The following MRPL46 variants were observed in gnomAD, a reference collection of about 807,000 sequenced individuals.
The protein encoded by MRPL46 is large ribosomal subunit protein mL46.
A neutral mutation model predicts 31.0 loss-of-function variants in MRPL46; 26 were observed. The observed-to-expected ratio is 0.84, with a 90% CI of 0.61 to 1.16. MRPL46 has a LOEUF of 1.16. Among genes scored for constraint, MRPL46 ranks in the 50% most tolerant of loss-of-function variants. The probability of loss-of-function intolerance (pLI) is 0.00; values close to 1 mark genes in which losing one functional copy is unlikely to be tolerated. For missense variants in MRPL46, 395 were observed against 340.0 expected (o/e 1.16, Z -1.27); for synonymous variants, 159 against 141.3 (o/e 1.13, Z -0.89).
At chr15:88,467,064 CG>C in intron 1 of MRPL46, 85 bp downstream of exon 1, 1 of 1,418,562 alleles carries the variant, frequency 7.0e-7, no homozygotes, top group Non-Finnish European at 9.8e-7. Flanking sequence ...GGATAAGTAC[CG>C]TATACTTAAG....
Position 88,467,274 on chromosome 15 carries a change from G to T in MRPL46, c.104C>A (p.Ala35Glu). ...GGATCCGTTGCTTGAGGGTGCGGCT[G>T]CAAGAGCCAGGCTGCGAGAGCTTAG... The part of the protein sequence containing the change: ...GSLSSRSLAL[A>E]AAPSSNGSPW... Residue 35 changes from alanine to glutamate, a missense_variant, in exon 1 of 4, where the codon GCA (alanine) becomes GAA (glutamate). By Grantham distance (107) the Ala-to-Glu change is moderately radical. Transcript: ENST00000312475. The T allele has an allele frequency of 6.2e-7, 1 of 1,613,744 alleles. No individual in the cohort carries two copies. The highest frequency in any genetic ancestry group is 1.1e-5 in the South Asian group (1 of 91,044).
chr15:88,464,710 T>C lies in MRPL46; in HGVS notation c.582A>G (p.Thr194=), dbSNP rs1449062564. ...LRGTAERTLA[T]LSENNMEAKF... ...GGAAGGCAGAAAACCCACCTGAGAG[T>C]GTGGCCAGGGTTCGTTCAGCTGTTC... Residue 194 remains threonine, a synonymous_variant, in exon 3 of 4, where the codon ACA becomes ACG. Coordinates refer to ENST00000312475, the MANE Select transcript of MRPL46 (RefSeq NM_022163.4). 8 of 1,610,384 alleles carry C rather than the reference T, an allele frequency of 5.0e-6. No homozygotes were observed.
At chr15:88,462,175 C>T (rs2055483471) in intron 3 of MRPL46, 2 of 146,970 alleles carry the variant, frequency 1.4e-5, no homozygotes, top group African/African-American at 2.7e-5. Flanking sequence ...AAAACACTAC[C>T]TAGCATTAGA....
chr15:88,463,670 G>A lies in MRPL46; in HGVS notation c.589+1033C>T. On this transcript the variant is annotated intron_variant, in intron 3 of 3. Coordinates refer to ENST00000312475, the MANE Select transcript of MRPL46 (RefSeq NM_022163.4). This position sits in a 1 kb window ranked among gnomAD's most constrained non-coding sequence, Gnocchi z 5.4. The stretch of plus-strand genomic sequence containing the variant: ...TATAAACTGTCTTAAAAACTGAGCA[G>A]TCAGGCCAGGAAGGAGTAAAGTATT... 6.6e-6 allele frequency: 1 copy of A among 152,218 alleles called. No homozygotes were observed. 9.4% of individuals were successfully genotyped at this position (152,218 alleles called of 1,614,324 possible).
chr15:88,460,016 G>A, intron 3 of MRPL46, 153 bp from the exon 4 acceptor site: 1 of 946,056 alleles, frequency 1.1e-6, no homozygotes, highest in Non-Finnish European at 1.5e-6. Flanking sequence ...CCTGAAAAGA[G>A]GCTCCTCCCC....
intron 1 of MRPL46, among the ~76,000 whole-genome samples, chr15:88,466,886 G>A (rs1362949203): frequency 2.0e-5 from 3 of 152,142 alleles, no homozygotes; most frequent in Non-Finnish European, 4.4e-5. Flanking sequence ...CTAGTGACAC[G>A]GACCGATTCT....
rs771632952 is a variant in MRPL46, at chr15:88,459,797, T to C, written c.656A>G (p.Gln219Arg). 1.1e-5 allele frequency: 17 copies of C among 1,614,220 alleles called. No homozygotes were observed. The East Asian group carries it at 3.8e-4, about 36-fold the overall frequency. The change falls in exon 4 of 4, where the codon CAG (glutamine) becomes CGG (arginine). Residue 219 changes from glutamine to arginine, a missense_variant. Coordinates refer to ENST00000312475, the MANE Select transcript of MRPL46 (RefSeq NM_022163.4). Reference protein sequence around the residue: ...PCGHYTFKFPQAMRTESNLGA... With the variant: ...PCGHYTFKFPRAMRTESNLGA... ...GAGGTTACTCTCTGTCCGCATTGCCTGGGGGAACTTGAATGTGTAGTGCCC... is the reference window on the plus strand; with the variant it reads ...GAGGTTACTCTCTGTCCGCATTGCCCGGGGGAACTTGAATGTGTAGTGCCC...
At chr15:88,462,408 TC>T (rs2055486160) in intron 3 of MRPL46, 1 of 152,192 alleles carries the variant, frequency 6.6e-6, no homozygotes, top group African/African-American at 2.4e-5. Flanking sequence ...GAGCGAACGA[TC>T]TAAATAGGCA....
chr15:88,465,722 C>T lies in MRPL46; in HGVS notation c.280G>A (p.Glu94Lys). 6.2e-7 allele frequency: 1 copy of T among 1,613,742 alleles called. No homozygotes were observed. ...TTCTTCTTTGCCAGTCGCTGGTTTTCATCCAGAGCACGAAGCTCGTGGTCT... is the reference window on the plus strand; with the variant it reads ...TTCTTCTTTGCCAGTCGCTGGTTTTTATCCAGAGCACGAAGCTCGTGGTCT... ...YSDHELRALD[E>K]NQRLAKKKAD... The change falls in exon 2 of 4, where the codon GAA becomes AAA. Residue 94 changes from glutamate (E) to lysine (K), a missense_variant. Physicochemically the swap from Glu to Lys is moderately conservative, Grantham distance 56. Coordinates refer to ENST00000312475, the MANE Select transcript of MRPL46 (RefSeq NM_022163.4).
At position 88,459,713 on chromosome 15, in the gene MRPL46, C is replaced by T. The variant is rs142867191; in HGVS notation, c.740G>A (p.Gly247Glu). 4.0e-5 allele frequency: 65 copies of T among 1,614,046 alleles called. No homozygotes were observed. The African/African-American group carries it at 7.6e-4, about 19-fold the overall frequency. ...GACCCACACATGATGGCCCTTATTC[C>T]CAGCCTGGGAAAAGTCTCCAGTTAA... ...LLLTGDFSQA[G>E]NKGHHVWVTK... Residue 247 changes from glycine to glutamate, a missense_variant, in exon 4 of 4, where the codon GGG (glycine) becomes GAG (glutamate). By Grantham distance (98) the Gly-to-Glu change is moderately conservative (BLOSUM62 -2). Coordinates refer to ENST00000312475, the MANE Select transcript of MRPL46 (RefSeq NM_022163.4).
chr15:88,459,990 T>C, intron 3 of MRPL46, 127 bp from the exon 4 acceptor site: 2 of 1,205,220 alleles, frequency 1.7e-6, no homozygotes, highest in Non-Finnish European at 2.3e-6. Context: ...TCCCTAGGAA[T>C]AGGACTAGAG....
intron 1 of MRPL46, among the ~76,000 whole-genome samples, chr15:88,466,169 A>AT (rs2055529443): frequency 6.6e-6 from 1 of 152,194 alleles, no homozygotes; most frequent in Non-Finnish European, 1.5e-5. Flanking sequence ...TTTTCCTCAC[A>AT]TTCTTTCTTC....
At chr15:88,466,114 C>A (rs1203015343) in intron 1 of MRPL46, among the ~76,000 whole-genome samples, 1 of 152,170 alleles carries the variant, frequency 6.6e-6, no homozygotes, top group Non-Finnish European at 1.5e-5. Flanking sequence ...CAAGGACTTT[C>A]CTGTTCAGGG....
In MRPL46 at chr15:88,459,869, G is replaced by T. The variant is rs1353342901; in HGVS notation, c.590-6C>A. On this transcript the variant is annotated splice_polypyrimidine_tract_variant and splice_region_variant and intron_variant, in intron 3 of 3. Transcript: ENST00000312475. ...CTTGGCTTCCATGTTGTTTTCTGAA[G>T]AGGGAGGAAAGAAAAATCACAATTG... is the stretch of plus-strand genomic sequence containing the variant. 6.2e-7 allele frequency: 1 copy of T among 1,613,704 alleles called. No homozygotes were observed. Among genetic ancestry groups the T allele is most frequent in the Admixed American group, 1.7e-5 (1 of 59,990 alleles).
Position 88,459,792 on chromosome 15 carries a change from T to C in MRPL46, c.661A>G (p.Met221Val), listed in dbSNP as rs373706267. 3.1e-5 allele frequency: 50 copies of C among 1,614,108 alleles called. No homozygotes were observed. The highest frequency in any genetic ancestry group is 6.7e-5 in the East Asian group (3 of 44,890). ...GCTCCGAGGTTACTCTCTGTCCGCATTGCCTGGGGGAACTTGAATGTGTAG... is the reference window on the plus strand; with the variant it reads ...GCTCCGAGGTTACTCTCTGTCCGCACTGCCTGGGGGAACTTGAATGTGTAG... ...GHYTFKFPQA[M>V]RTESNLGAKV... The change falls in exon 4 of 4, where the codon ATG becomes GTG. Residue 221 changes from methionine to valine, a missense_variant. By Grantham distance (21) the Met-to-Val change is conservative. Transcript: ENST00000312475.
chr15:88,466,844 CAA>C (rs1169507387), intron 1 of MRPL46, among the ~76,000 whole-genome samples: 2 of 152,194 alleles, frequency 1.3e-5, no homozygotes, highest in Admixed American at 6.5e-5. Flanking sequence ...CATCACATCA[CAA>C]AGACTTTCTC....
chr15:88,467,295 C>G lies in MRPL46; in HGVS notation c.83G>C (p.Ser28Thr). ...GGCTGCAAGAGCCAGGCTGCGAGAG[C>G]TTAGACTGCCGGCCCAGAGCCTCTC... The part of the protein sequence containing the change: ...RFERLWAGSL[S>T]SRSLALAAAP... The change falls in exon 1 of 4, where the codon AGC becomes ACC. Residue 28 changes from serine to threonine, a missense_variant. Ser to Thr is a moderately conservative substitution (Grantham distance 58). Transcript: ENST00000312475. 2 of 1,612,660 alleles carry G rather than the reference C, an allele frequency of 1.2e-6. No individual in the cohort carries two copies. The highest frequency in any genetic ancestry group is 2.2e-5 in the East Asian group (1 of 44,788).
intron 3 of MRPL46, chr15:88,462,401 C>T (rs1031729782): frequency 2.6e-5 from 4 of 152,110 alleles, no homozygotes; most frequent in Non-Finnish European, 5.9e-5. Flanking sequence ...CAAAGATGAG[C>T]GAACGATCTA....
intron 1 of MRPL46, among the ~76,000 whole-genome samples, 178 bp downstream of exon 1, chr15:88,466,972 T>G (rs924139692): frequency 6.6e-6 from 1 of 152,150 alleles, no homozygotes; most frequent in Non-Finnish European, 1.5e-5. Flanking sequence ...AAGGTGACAA[T>G]AAACACGGCC....
Sources: gnomAD v4.1 joint callset for allele counts (sites outside exome capture counted in the v4.1 genomes callset) on GRCh38, gnomAD v4.1.1 for gene constraint, Gnocchi (gnomAD v3.1) non-coding constraint, MANE v1.5 for transcripts, NCBI Gene and HGNC (gene_info 2026-07-23, HGNC 2026-07-21) for gene names.